Variants in ZNF407 observed in about 807,000 individuals in gnomAD.
The protein encoded by ZNF407 is zinc finger protein 407.
In ZNF407, 17 loss-of-function variants were observed where a neutral mutation model predicts 131.2. The ratio of observed to expected loss-of-function variants is 0.13; its 90% CI spans 0.09 to 0.19. ZNF407 has a LOEUF of 0.19. ZNF407 is among the 10% of genes least tolerant of loss of function. The pLI, the probability that ZNF407 is intolerant of heterozygous loss-of-function variation, is 1.00. For synonymous variants in ZNF407, 1,156 were observed against 1,062.0 expected (o/e 1.09, Z -1.72); for missense variants, 2,681 against 2,830.6 (o/e 0.95, Z 1.20).
chr18:74,701,555 C>T (rs74703374), intron 3 of ZNF407, among the ~76,000 whole-genome samples: 2,515 of 152,250 alleles, frequency 0.017, 78 homozygotes, highest in African/African-American at 0.058. Context: ...GAAAGCTTCT[C>T]TTGCTTCCTT....
intron 4 of ZNF407, among the ~76,000 whole-genome samples, chr18:74,859,651 A>T (rs1970909948): frequency 6.6e-6 from 1 of 152,200 alleles, no homozygotes; most frequent in Non-Finnish European, 1.5e-5. Flanking sequence ...ATTGGAATAG[A>T]TTGCCATTTG....
At chr18:75,040,380 G>T (rs758379335) in intron 8 of ZNF407, among the ~76,000 whole-genome samples, 1 of 152,110 alleles carries the variant, frequency 6.6e-6, no homozygotes, top group African/African-American at 2.4e-5. Flanking sequence ...GATTCCCCAT[G>T]TTTAATATAC....
intron 8 of ZNF407, among the ~76,000 whole-genome samples, chr18:74,986,797 T>G (rs1411446349): frequency 6.6e-6 from 1 of 152,198 alleles, no homozygotes; most frequent in Non-Finnish European, 1.5e-5. Flanking sequence ...GAATGAAGAA[T>G]ATGCCGTATC....
intron 3 of ZNF407, among the ~76,000 whole-genome samples, chr18:74,699,832 C>T (rs1174614703): frequency 6.6e-6 from 1 of 152,158 alleles, no homozygotes; most frequent in Middle Eastern, 3.2e-3. Flanking sequence ...GATTTTCTAA[C>T]ATCTTTGTAA....
At chr18:74,733,215 T>C (rs1367072817) in intron 3 of ZNF407, among the ~76,000 whole-genome samples, 6 of 152,160 alleles carry the variant, frequency 3.9e-5, no homozygotes, top group Non-Finnish European at 7.4e-5. Context: ...CATTAGCTTA[T>C]AGAAAAATTG....
intron 8 of ZNF407, among the ~76,000 whole-genome samples, chr18:75,025,985 T>C (rs1426721466): frequency 1.3e-5 from 2 of 152,212 alleles, no homozygotes; most frequent in Non-Finnish European, 2.9e-5. Context: ...CGGCGTTAAT[T>C]GAATCAACAT....
chr18:74,844,276 G>C (rs538429950), intron 4 of ZNF407, among the ~76,000 whole-genome samples: 2 of 152,120 alleles, frequency 1.3e-5, no homozygotes, highest in South Asian at 4.1e-4. Context: ...GCAGTTGGAC[G>C]GTGAACCCCT....
intron 3 of ZNF407, among the ~76,000 whole-genome samples, chr18:74,778,053 A>G (rs565900642): frequency 2.3e-4 from 35 of 152,200 alleles, no homozygotes; most frequent in Non-Finnish European, 3.2e-4. Flanking sequence ...TAAAAACAAA[A>G]GCAAAAGTAA....
intron 3 of ZNF407, among the ~76,000 whole-genome samples, chr18:74,689,735 G>A (rs1432492957): frequency 6.6e-6 from 1 of 152,168 alleles, no homozygotes; most frequent in East Asian, 1.9e-4. Flanking sequence ...CATGTCAAAA[G>A]GAAAATGTCT....
At chr18:74,860,355 G>T (rs1970920433) in intron 4 of ZNF407, among the ~76,000 whole-genome samples, 1 of 151,968 alleles carries the variant, frequency 6.6e-6, no homozygotes, top group South Asian at 2.1e-4. Context: ...CCATCACCCA[G>T]ACCACTTTGA....
chr18:74,728,814 G>A (rs1034062886), intron 3 of ZNF407, among the ~76,000 whole-genome samples: 1 of 152,206 alleles, frequency 6.6e-6, no homozygotes, highest in Non-Finnish European at 1.5e-5. Flanking sequence ...CACAAGGAGG[G>A]CACAGAGGTG....
At chr18:74,819,267 T>G (rs1347543922) in intron 4 of ZNF407, among the ~76,000 whole-genome samples, 1 of 152,228 alleles carries the variant, frequency 6.6e-6, no homozygotes, top group Non-Finnish European at 1.5e-5. Flanking sequence ...TCACAGTTAT[T>G]GTAAGATGCT....
At chr18:74,864,284 G>C (rs11150995) in intron 4 of ZNF407, among the ~76,000 whole-genome samples, 2,996 of 152,284 alleles carry the variant, frequency 0.02, 158 homozygotes, top group East Asian at 0.19. Flanking sequence ...ACTGGATTTG[G>C]TATAAGGTTA....
chr18:75,018,193 A>G (rs1254425456), intron 8 of ZNF407, among the ~76,000 whole-genome samples: 1 of 152,116 alleles, frequency 6.6e-6, no homozygotes, highest in East Asian at 1.9e-4. Flanking sequence ...TGGAACTTAT[A>G]CTTGTCTTTA....
intron 6 of ZNF407, among the ~76,000 whole-genome samples, chr18:74,889,131 A>G (rs894442080): frequency 1.3e-5 from 2 of 152,182 alleles, no homozygotes; most frequent in African/African-American, 2.4e-5. Context: ...CCCAGGAGGA[A>G]TAGGCTACAC....
intron 3 of ZNF407, among the ~76,000 whole-genome samples, chr18:74,717,017 G>A (rs993567073): frequency 2.6e-5 from 4 of 152,120 alleles, no homozygotes; most frequent in Non-Finnish European, 5.9e-5. Context: ...TATAGTATGT[G>A]TTGTTATTAG....
chr18:74,711,069 G>A (rs992646024), intron 3 of ZNF407, among the ~76,000 whole-genome samples: 1 of 150,392 alleles, frequency 6.6e-6, no homozygotes, highest in African/African-American at 2.4e-5. Flanking sequence ...CTCCATGGAT[G>A]CTATTATCAA....
chr18:74,621,395 G>T (rs1983502947), intron 1 of ZNF407, among the ~76,000 whole-genome samples: 2 of 152,140 alleles, frequency 1.3e-5, no homozygotes, highest in Non-Finnish European at 2.9e-5. Flanking sequence ...CTGGCTCCGG[G>T]TCTGTCCTGT....
intron 8 of ZNF407, among the ~76,000 whole-genome samples, chr18:74,977,818 T>A (rs1365684824): frequency 6.6e-6 from 1 of 152,238 alleles, no homozygotes; most frequent in East Asian, 1.9e-4. Flanking sequence ...GCCGACTACT[T>A]CTGGATCCAT....
Sources: gnomAD v4.1 joint callset for allele counts (sites outside exome capture counted in the v4.1 genomes callset) on GRCh38, gnomAD v4.1.1 for gene constraint, MANE v1.5 for transcripts, NCBI Gene and HGNC (gene_info 2026-07-23, HGNC 2026-07-21) for gene names.